Variants in CSMD1 observed in about 807,000 individuals in gnomAD.
CSMD1 encodes the protein CUB and Sushi multiple domains 1.
A neutral mutation model predicts 417.5 loss-of-function variants in CSMD1; 213 were observed. The observed-to-expected ratio is 0.51, with a 90% CI of 0.46 to 0.57. The LOEUF is 0.57. Ranked by LOEUF, CSMD1 falls within the 20% of genes least tolerant of loss-of-function variation. The pLI is 0.00. For synonymous variants in CSMD1, 2,862 were observed against 1,736.8 expected (o/e 1.65, Z -16.11); for missense variants, 6,923 against 4,529.7 (o/e 1.53, Z -15.17).
At chr8:3,769,743 T>C (rs536757799) in intron 5 of CSMD1, among the ~76,000 whole-genome samples, 1 of 152,312 alleles carries the variant, frequency 6.6e-6, no homozygotes, top group Admixed American at 6.5e-5. Flanking sequence ...TTAACCAATG[T>C]CCTGCTATGG....
At position 3,599,149 on chromosome 8, in the gene CSMD1, G is replaced by GTC. The variant is rs35279338; in HGVS notation, c.1098-12891_1098-12890dup. ...GCTGTGTGTGTGTGTGTGTGTGTGT[G>GTC]TCTGTGTGTGTGTCTGTGTGTGTGT... On this transcript the variant is annotated intron_variant, in intron 8 of 69. Coordinates refer to ENST00000635120, the MANE Select transcript of CSMD1 (RefSeq NM_033225.6). Among the ~76,000 whole-genome samples, 1,265 of 146,480 alleles carry GTC rather than the reference G, an allele frequency of 8.6e-3. 18 individuals carry two copies. The highest frequency in any genetic ancestry group is 0.029 in the African/African-American group (1,087 of 37,650).
intron 59 of CSMD1, among the ~76,000 whole-genome samples, chr8:2,963,953 C>A (rs1012416269): frequency 5.3e-5 from 8 of 152,156 alleles, no homozygotes; most frequent in African/African-American, 7.2e-5. Context: ...AGCCTGATGT[C>A]CACTTTATGG....
At chr8:3,994,545 G>A (rs1174478178) in intron 5 of CSMD1, among the ~76,000 whole-genome samples, 1 of 150,400 alleles carries the variant, frequency 6.6e-6, no homozygotes, top group East Asian at 2.0e-4. Context: ...GCTATAAAGT[G>A]AACTCAAAAT....
intron 18 of CSMD1, among the ~76,000 whole-genome samples, chr8:3,375,906 T>G (rs1810275773): frequency 6.6e-6 from 1 of 152,184 alleles, no homozygotes; most frequent in Admixed American, 6.5e-5. Flanking sequence ...TTTCTTCACG[T>G]TGAAACATGT....
chr8:4,422,506 C>A (rs1797306526), intron 2 of CSMD1, among the ~76,000 whole-genome samples: 1 of 152,178 alleles, frequency 6.6e-6, no homozygotes, highest in East Asian at 1.9e-4. Flanking sequence ...TGGACACATA[C>A]TGAGAAAAGA....
intron 5 of CSMD1, among the ~76,000 whole-genome samples, chr8:3,985,889 G>C (rs530463467): frequency 6.6e-6 from 1 of 151,348 alleles, no homozygotes; most frequent in African/African-American, 2.4e-5. Context: ...CCAATTCATC[G>C]TGCACTCTTA....
chr8:3,465,628 C>T (rs942118853), intron 12 of CSMD1, among the ~76,000 whole-genome samples: 5 of 151,984 alleles, frequency 3.3e-5, no homozygotes, highest in African/African-American at 9.7e-5. Context: ...TTTGAGGGTC[C>T]CCGAAATATT....
At chr8:4,742,919 A>T (rs558328099) in intron 1 of CSMD1, among the ~76,000 whole-genome samples, 65 of 152,334 alleles carry the variant, frequency 4.3e-4, no homozygotes, top group Admixed American at 4.1e-3. Context: ...ATCTGAAAAT[A>T]AATTGTAAAA....
chr8:3,853,093 C>G (rs892898373), intron 5 of CSMD1, among the ~76,000 whole-genome samples: 1 of 152,152 alleles, frequency 6.6e-6, no homozygotes, highest in Non-Finnish European at 1.5e-5. Flanking sequence ...GCCACCCTGA[C>G]CTCATCATTC....
chr8:3,496,883 C>A (rs1189020769), intron 10 of CSMD1, among the ~76,000 whole-genome samples: 2 of 152,076 alleles, frequency 1.3e-5, no homozygotes, highest in African/African-American at 4.8e-5. Context: ...GACCCATTGG[C>A]CTATTTCTTC....
At chr8:3,135,201 T>C (rs982018334) in intron 41 of CSMD1, among the ~76,000 whole-genome samples, 4 of 152,206 alleles carry the variant, frequency 2.6e-5, no homozygotes, top group Non-Finnish European at 2.9e-5. Context: ...ATTTTTAATA[T>C]AGTAAAACAG....
At chr8:4,012,892 T>C (rs1404093295) in intron 4 of CSMD1, among the ~76,000 whole-genome samples, 1 of 152,160 alleles carries the variant, frequency 6.6e-6, no homozygotes, top group African/African-American at 2.4e-5. Flanking sequence ...TCACAACCAC[T>C]GTGTAGGGAA....
chr8:3,969,942 A>T (rs1306211250), intron 5 of CSMD1, among the ~76,000 whole-genome samples: 1 of 152,064 alleles, frequency 6.6e-6, no homozygotes, highest in Non-Finnish European at 1.5e-5. Flanking sequence ...TATTTAAACA[A>T]CCTCTCCCAG....
intron 39 of CSMD1, among the ~76,000 whole-genome samples, chr8:3,154,267 C>T (rs1315802363): frequency 6.6e-6 from 1 of 152,200 alleles, no homozygotes; most frequent in East Asian, 1.9e-4. Context: ...GCCACTGTGC[C>T]CAGCCCTTTG....
intron 37 of CSMD1, among the ~76,000 whole-genome samples, chr8:3,170,127 G>A (rs181994848): frequency 1.4e-4 from 22 of 152,358 alleles, no homozygotes; most frequent in East Asian, 7.7e-4. Flanking sequence ...ACCCTTCTGC[G>A]CAAAAGTAAA....
chr8:3,622,684 G>A (rs570859429), intron 7 of CSMD1, among the ~76,000 whole-genome samples: 7 of 152,308 alleles, frequency 4.6e-5, no homozygotes, highest in Non-Finnish European at 7.3e-5. Flanking sequence ...AAATACAGGC[G>A]ATTTTCTGAA....
At chr8:4,758,625 C>G (rs1288341858) in intron 1 of CSMD1, among the ~76,000 whole-genome samples, 1 of 152,166 alleles carries the variant, frequency 6.6e-6, no homozygotes, top group African/African-American at 2.4e-5. Flanking sequence ...TGACTCAGTT[C>G]CACATGGCTG....
At chr8:3,691,535 G>A (rs568822498) in intron 7 of CSMD1, among the ~76,000 whole-genome samples, 3 of 152,292 alleles carry the variant, frequency 2.0e-5, no homozygotes, top group African/African-American at 7.2e-5. Flanking sequence ...AGGAAGCTCA[G>A]GACCTACCTG....
At chr8:4,445,568 TTGAAA>T (rs1798733696) in intron 2 of CSMD1, among the ~76,000 whole-genome samples, 1 of 152,212 alleles carries the variant, frequency 6.6e-6, no homozygotes, top group African/African-American at 2.4e-5. Flanking sequence ...CTTCAATGAA[TTGAAA>T]TAATACGCTG....
Sources: gnomAD v4.1 joint callset for allele counts (sites outside exome capture counted in the v4.1 genomes callset) on GRCh38, gnomAD v4.1.1 for gene constraint, MANE v1.5 for transcripts, NCBI Gene and HGNC (gene_info 2026-07-23, HGNC 2026-07-21) for gene names.